The following NRG3 variants were observed in gnomAD, a reference collection of about 807,000 sequenced individuals.
NRG3 encodes neuregulin 3.
Under a neutral mutation model 66.9 loss-of-function variants are expected in NRG3, and 31 were observed. The ratio of observed to expected loss-of-function variants is 0.46; its 90% CI spans 0.35 to 0.63. The LOEUF (loss-of-function observed/expected upper bound fraction) is 0.63. NRG3 is among the 20% of genes least tolerant of loss of function. The pLI, the probability that NRG3 is intolerant of heterozygous loss-of-function variation, is 0.00. For synonymous variants in NRG3, 393 were observed against 359.4 expected, an observed-to-expected ratio of 1.09 and a Z score of -1.06; for missense variants, 910 against 878.9, an observed-to-expected ratio of 1.04 and a Z score of -0.45.
intron 2 of NRG3, among the ~76,000 whole-genome samples, chr10:82,455,898 G>A (rs182444095): frequency 1.8e-4 from 28 of 152,100 alleles, no homozygotes; most frequent in Non-Finnish European, 3.4e-4. Context: ...GAGTACAGGC[G>A]TGAGCCACGG....
chr10:82,944,092 T>G (rs1336455119), intron 4 of NRG3, among the ~76,000 whole-genome samples: 1 of 152,212 alleles, frequency 6.6e-6, no homozygotes, highest in Non-Finnish European at 1.5e-5. Context: ...TCAAATGCAC[T>G]GATAATATAC....
rs7919172 is a variant in NRG3 at position 82,149,952 on chromosome 10, T to G, written c.824-208787T>G. On this transcript the variant is annotated intron_variant, in intron 1 of 8. Transcript: ENST00000372141. ...TAACTACAGTCCTTAAATGAGGAAATCTCCACCCTGGGCCAGCTGTGCCAG... is the reference window on the plus strand; with the variant it reads ...TAACTACAGTCCTTAAATGAGGAAAGCTCCACCCTGGGCCAGCTGTGCCAG... Among the ~76,000 whole-genome samples the G allele has an allele frequency of 2.1e-3, 312 of 151,964 alleles. 2 individuals are homozygous for G. Among genetic ancestry groups the G allele is most frequent in the African/African-American group, 7.2e-3 (297 of 41,382 alleles).
chr10:82,278,251 A>C (rs1008846549), intron 1 of NRG3, among the ~76,000 whole-genome samples: 5 of 152,068 alleles, frequency 3.3e-5, no homozygotes, highest in Admixed American at 6.6e-5. Context: ...ATTTGACTGC[A>C]TGACACTATA....
chr10:82,776,097 T>C (rs372231899), intron 3 of NRG3, among the ~76,000 whole-genome samples: 26 of 152,320 alleles, frequency 1.7e-4, no homozygotes, highest in East Asian at 5.8e-4. Flanking sequence ...AAGCTAAACA[T>C]TTTTTGTAAG....
intron 4 of NRG3, among the ~76,000 whole-genome samples, chr10:82,922,822 C>G (rs1846583112): frequency 6.6e-6 from 1 of 152,158 alleles, no homozygotes. Flanking sequence ...TTATCATCCT[C>G]CTTCCATATT....
chr10:82,160,071 A>G (rs867238522), intron 1 of NRG3, among the ~76,000 whole-genome samples: 16 of 152,012 alleles, frequency 1.1e-4, no homozygotes, highest in Admixed American at 2.6e-4. Context: ...CTGAGCTCAC[A>G]TAGCCTGTAA....
At chr10:82,127,059 G>A (rs2068494072) in intron 1 of NRG3, among the ~76,000 whole-genome samples, 1 of 152,092 alleles carries the variant, frequency 6.6e-6, no homozygotes, top group Non-Finnish European at 1.5e-5. Context: ...GCAAAAATAA[G>A]CCTTTCCTAA....
chr10:81,946,737 T>C (rs1407383818), intron 1 of NRG3, among the ~76,000 whole-genome samples: 1 of 152,228 alleles, frequency 6.6e-6, no homozygotes, highest in East Asian at 1.9e-4. Context: ...ACATGAGCTG[T>C]CCATCATGGG....
chr10:81,969,681 C>G (rs955121695), intron 1 of NRG3, among the ~76,000 whole-genome samples: 1 of 152,122 alleles, frequency 6.6e-6, no homozygotes, highest in South Asian at 2.1e-4. Flanking sequence ...GTATCAGGTA[C>G]TAGAAAAAGT....
At chr10:82,073,630 G>A (rs921489934) in intron 1 of NRG3, among the ~76,000 whole-genome samples, 4 of 152,022 alleles carry the variant, frequency 2.6e-5, no homozygotes, top group Admixed American at 6.5e-5. Context: ...TTCATGGTAC[G>A]ATTTATATTA....
chr10:82,232,003 C>G (rs1394550665), intron 1 of NRG3, among the ~76,000 whole-genome samples: 1 of 152,166 alleles, frequency 6.6e-6, no homozygotes, highest in Non-Finnish European at 1.5e-5. Flanking sequence ...TGAACTGAAA[C>G]TCTAAGCATA....
intron 1 of NRG3, among the ~76,000 whole-genome samples, chr10:82,013,399 A>C (rs773013268): frequency 5.9e-5 from 9 of 152,152 alleles, no homozygotes; most frequent in Non-Finnish European, 1.3e-4. Context: ...ACTGAGCCAA[A>C]CCATATCATA....
rs186291286 is a variant in NRG3 at position 82,497,145 on chromosome 10, T to G, written c.953+138277T>G. Among the ~76,000 whole-genome samples the G allele has an allele frequency of 3.3e-5, 5 of 152,318 alleles. No individual in the cohort carries two copies. The East Asian group carries it at 9.6e-4, about 29-fold the overall frequency. On this transcript the variant is annotated intron_variant, in intron 2 of 8. Coordinates refer to ENST00000372141, the MANE Select transcript of NRG3 (RefSeq NM_001010848.4). ...CTGAGTTTTTTGTGGGGCAAATAAT[T>G]AGCATGAAATGCAAGTTGGCTCTCT...
At chr10:82,114,615 C>T (rs546172084) in intron 1 of NRG3, among the ~76,000 whole-genome samples, 25 of 152,224 alleles carry the variant, frequency 1.6e-4, no homozygotes, top group African/African-American at 5.8e-4. Context: ...CCTTCTCAAG[C>T]TATTGCCATT....
chr10:82,814,521 T>C (rs888681247), intron 3 of NRG3, among the ~76,000 whole-genome samples: 1 of 152,216 alleles, frequency 6.6e-6, no homozygotes, highest in Non-Finnish European at 1.5e-5. Flanking sequence ...ATGGGAAATT[T>C]CTTGATCCTA....
At chr10:82,664,688 C>G (rs1352723805) in intron 2 of NRG3, among the ~76,000 whole-genome samples, 1 of 151,820 alleles carries the variant, frequency 6.6e-6, no homozygotes, top group Non-Finnish European at 1.5e-5. Context: ...GAATATGTTT[C>G]ATAACTTTCT....
At chr10:82,710,366 C>T (rs1478871890) in intron 2 of NRG3, among the ~76,000 whole-genome samples, 1 of 152,012 alleles carries the variant, frequency 6.6e-6, no homozygotes, top group Non-Finnish European at 1.5e-5. Flanking sequence ...CAGGTGAATC[C>T]TCTCAGGTCG....
chr10:82,562,171 A>G (rs1173180621), intron 2 of NRG3, among the ~76,000 whole-genome samples: 2 of 152,236 alleles, frequency 1.3e-5, no homozygotes, highest in African/African-American at 2.4e-5. Context: ...TGCTTATTAC[A>G]TAGTAAACAA....
At chr10:82,575,730 A>G (rs927207758) in intron 2 of NRG3, among the ~76,000 whole-genome samples, 17 of 151,942 alleles carry the variant, frequency 1.1e-4, no homozygotes, top group African/African-American at 4.1e-4. Context: ...ATATAGATTA[A>G]TTGAAACAGC....
Sources: allele counts gnomAD v4.1 joint callset (sites outside exome capture counted in the v4.1 genomes callset), GRCh38; gene constraint gnomAD v4.1.1; transcripts MANE v1.5; gene names NCBI Gene and HGNC (gene_info 2026-07-23, HGNC 2026-07-21).